The following PRKG2 variants were observed in gnomAD, a reference collection of about 807,000 sequenced individuals.
PRKG2 encodes cGMP-dependent protein kinase 2.
Under a neutral mutation model 97.2 loss-of-function variants are expected in PRKG2, and 33 were observed. The ratio of observed to expected loss-of-function variants is 0.34; its 90% CI spans 0.26 to 0.45. The LOEUF is 0.45. Ranked by LOEUF, PRKG2 falls within the 20% of genes least tolerant of loss-of-function variation. The pLI is 1.00. For missense variants in PRKG2, 638 were observed against 900.0 expected, an observed-to-expected ratio of 0.71 and a Z score of 3.73; for synonymous variants, 330 against 321.8, an observed-to-expected ratio of 1.03 and a Z score of -0.27.
At chr4:81,137,670 GGAT>G (rs1746846666) in intron 12 of PRKG2, among the ~76,000 whole-genome samples, 188 bp from the exon 13 acceptor site, 1 of 152,120 alleles carries the variant, frequency 6.6e-6, no homozygotes, top group Non-Finnish European at 1.5e-5. Flanking sequence ...CTGCTCCTGT[GGAT>G]CTCACTTAGA....
At chr4:81,201,538 T>C (rs1753314167) in intron 2 of PRKG2, among the ~76,000 whole-genome samples, 1 of 152,152 alleles carries the variant, frequency 6.6e-6, no homozygotes, top group Admixed American at 6.5e-5. Flanking sequence ...CTTCAGACCA[T>C]AAAAGTATAT....
At chr4:81,217,233 G>A (rs553037406), upstream of PRKG2, among the ~76,000 whole-genome samples, 2 of 151,536 alleles carry the variant, frequency 1.3e-5, no homozygotes, top group Non-Finnish European at 2.9e-5. Flanking sequence ...TGATGTACTG[G>A]GTCAAAGCCA....
chr4:81,089,084 T>C lies in PRKG2; in HGVS notation c.*624A>G, dbSNP rs1190327059. On this transcript the variant is annotated 3_prime_UTR_variant, in exon 19 of 19. Coordinates refer to ENST00000264399, the MANE Select transcript of PRKG2 (RefSeq NM_006259.3). ...GAAAATAATTACCTGACTGGATTGATTGATTCAGTTACTTTAGGAAATGGT... is the reference window on the plus strand; with the variant it reads ...GAAAATAATTACCTGACTGGATTGACTGATTCAGTTACTTTAGGAAATGGT... 1 of 152,202 alleles carries C rather than the reference T, an allele frequency of 6.6e-6. No homozygotes were observed. The highest frequency in any genetic ancestry group is 1.9e-4 in the East Asian group (1 of 5,198). The allele number at this position is 152,202 out of a possible 1,614,324, so 9.4% of individuals were successfully genotyped here. A position where few individuals can be genotyped will look rare whatever the true frequency, so the allele number is the denominator to read the frequency against.
chr4:81,156,435 C>T (rs1207908324), intron 6 of PRKG2, among the ~76,000 whole-genome samples: 6 of 152,078 alleles, frequency 3.9e-5, no homozygotes. Context: ...TAAAGCAAGT[C>T]CTGAATGACC....
intron 9 of PRKG2, among the ~76,000 whole-genome samples, chr4:81,144,905 G>C (rs1316631447): frequency 6.6e-6 from 1 of 151,722 alleles, no homozygotes; most frequent in Non-Finnish European, 1.5e-5. Flanking sequence ...ATGGTTTCCA[G>C]CTTCATCCAT....
chr4:81,189,091 A>AAAAAAAAT (rs1553930135), intron 2 of PRKG2, among the ~76,000 whole-genome samples: 2 of 117,804 alleles, frequency 1.7e-5, no homozygotes, highest in Admixed American at 7.8e-5. Flanking sequence ...AAAAAAAAAA[A>AAAAAAAAT]AGAAGCTAGC....
At chr4:81,195,805 C>T (rs879341282) in intron 2 of PRKG2, among the ~76,000 whole-genome samples, 3 of 152,164 alleles carry the variant, frequency 2.0e-5, no homozygotes, top group Non-Finnish European at 4.4e-5. Context: ...TTTTTGGCTA[C>T]TATGAATAAC....
At chr4:81,105,587 G>T (rs201871797) in intron 16 of PRKG2, among the ~76,000 whole-genome samples, 1 of 152,042 alleles carries the variant, frequency 6.6e-6, no homozygotes, top group South Asian at 2.1e-4. Context: ...GAAAAATTTA[G>T]ATCTTTTTTT....
At chr4:81,214,580 C>G (rs924942298) in intron 1 of PRKG2, among the ~76,000 whole-genome samples, 3 of 152,128 alleles carry the variant, frequency 2.0e-5, no homozygotes, top group Non-Finnish European at 1.5e-5. Flanking sequence ...CAAGCCCTGA[C>G]AGCACCGCCA....
At chr4:81,192,382 G>C (rs1342498832) in intron 2 of PRKG2, 2 of 152,016 alleles carry the variant, frequency 1.3e-5, no homozygotes, top group African/African-American at 2.4e-5. Context: ...TCATTTTGGT[G>C]GTCACATGGG....
At chr4:81,098,624 T>C (rs1742371314) in intron 17 of PRKG2, among the ~76,000 whole-genome samples, 1 of 152,118 alleles carries the variant, frequency 6.6e-6, no homozygotes, top group African/African-American at 2.4e-5. Context: ...CTGATTTCAA[T>C]ACTGTTGTGT....
intron 14 of PRKG2, among the ~76,000 whole-genome samples, chr4:81,120,431 G>A (rs749289082): frequency 3.2e-4 from 48 of 152,012 alleles, no homozygotes; most frequent in Non-Finnish European, 6.2e-4. Context: ...TCTTTCAATC[G>A]ATGAACATGG....
chr4:81,209,937 A>G (rs937300358), intron 1 of PRKG2, among the ~76,000 whole-genome samples: 2 of 152,166 alleles, frequency 1.3e-5, no homozygotes, highest in Non-Finnish European at 2.9e-5. Context: ...AACTGATCCA[A>G]AGATCAAAGA....
intron 17 of PRKG2, among the ~76,000 whole-genome samples, chr4:81,097,700 A>G (rs370518188): frequency 1.3e-5 from 2 of 152,190 alleles, no homozygotes; most frequent in Non-Finnish European, 2.9e-5. Flanking sequence ...TGGAGCTTCT[A>G]TATCAGCACT....
intron 6 of PRKG2, among the ~76,000 whole-genome samples, chr4:81,165,958 G>GA (rs1411511038): frequency 1.3e-5 from 2 of 150,484 alleles, no homozygotes; most frequent in African/African-American, 4.9e-5. Flanking sequence ...CCAGCTTTAA[G>GA]TAAAAAAAAA....
At chr4:81,184,658 G>T (rs1471270659) in intron 2 of PRKG2, among the ~76,000 whole-genome samples, 1 of 152,188 alleles carries the variant, frequency 6.6e-6, no homozygotes, top group African/African-American at 2.4e-5. Context: ...ATTGACAGAA[G>T]TAGGCTTCAG....
chr4:81,147,008 T>C (rs973555616), intron 9 of PRKG2, among the ~76,000 whole-genome samples: 4 of 152,316 alleles, frequency 2.6e-5, no homozygotes, highest in African/African-American at 9.6e-5. Context: ...ATAATCAGTT[T>C]GTCTTATCCA....
At chr4:81,122,959 C>T (rs780078720) in intron 14 of PRKG2, among the ~76,000 whole-genome samples, 3 of 152,220 alleles carry the variant, frequency 2.0e-5, no homozygotes, top group Non-Finnish European at 4.4e-5. Flanking sequence ...GCTGCCAGCC[C>T]AATCAGTTCC....
chr4:81,117,096 A>C (rs1466807818), intron 14 of PRKG2, among the ~76,000 whole-genome samples: 3 of 148,096 alleles, frequency 2.0e-5, no homozygotes, highest in Non-Finnish European at 3.0e-5. Flanking sequence ...GGGCTAAAGC[A>C]ATCCTCCCAT....
Sources: gnomAD v4.1 joint callset for allele counts (sites outside exome capture counted in the v4.1 genomes callset) on GRCh38, gnomAD v4.1.1 for gene constraint, MANE v1.5 for transcripts, NCBI Gene and HGNC (gene_info 2026-07-23, HGNC 2026-07-21) for gene names.